Variants in ADK observed in about 807,000 individuals in gnomAD.
ADK encodes adenosine kinase.
A neutral mutation model predicts 44.7 loss-of-function variants in ADK; 24 were observed. The observed-to-expected ratio is 0.54, with a 90% confidence interval of 0.39 to 0.76. The LOEUF is 0.76. ADK is among the 30% of genes least tolerant of loss of function. The pLI, the probability that ADK is intolerant of heterozygous loss-of-function variation, is 0.00. For synonymous variants in ADK, 128 were observed against 142.6 expected (o/e 0.90, Z 0.73); for missense variants, 321 against 425.1 (o/e 0.76, Z 2.15).
At position 74,151,308 on chromosome 10, in the gene ADK, C is replaced by CA; in HGVS notation, c.35dup (p.Leu13AlafsTer23). 6.5e-7 allele frequency: 1 copy of CA among 1,549,572 alleles called. No homozygotes were observed. The highest frequency in any genetic ancestry group is 8.7e-7 in the Non-Finnish European group (1 of 1,146,802). On this transcript the variant is annotated frameshift_variant, in exon 1 of 11. Transcript: ENST00000539909. LOFTEE classifies it high-confidence loss of function. The stretch of plus-strand genomic sequence containing the variant: ...CAGCTGCTGAGGAGGAGCCGAAGCC[C>CA]AAAAAGCTGAAGGTGGAGGCGCCGC...
intron 4 of ADK, among the ~76,000 whole-genome samples, chr10:74,316,351 A>C (rs573091984): frequency 6.6e-6 from 1 of 152,290 alleles, no homozygotes; most frequent in South Asian, 2.1e-4. Context: ...TGGGGGTGAT[A>C]TGGTTAGGCT....
chr10:74,487,107 G>C (rs2133376711), intron 6 of ADK, among the ~76,000 whole-genome samples: 1 of 152,176 alleles, frequency 6.6e-6, no homozygotes, highest in South Asian at 2.1e-4. Context: ...CACTGATTAT[G>C]ATAGTGTTTT....
At chr10:74,584,910 A>G (rs1851481361) in intron 7 of ADK, among the ~76,000 whole-genome samples, 1 of 152,206 alleles carries the variant, frequency 6.6e-6, no homozygotes, top group African/African-American at 2.4e-5. Context: ...TGGGCAAGTT[A>G]TGGTTTTAGT....
intron 7 of ADK, among the ~76,000 whole-genome samples, chr10:74,568,083 G>A (rs1235483074): frequency 1.3e-5 from 2 of 152,128 alleles, no homozygotes; most frequent in Admixed American, 6.6e-5. Context: ...AGCCCTGGAT[G>A]GCTTTGAATG....
At chr10:74,227,184 T>C (rs555844061) in intron 3 of ADK, among the ~76,000 whole-genome samples, 10 of 152,302 alleles carry the variant, frequency 6.6e-5, no homozygotes, top group Admixed American at 4.6e-4. Flanking sequence ...CTTTAAACAA[T>C]ATAAGAGATA....
At chr10:74,669,709 G>A (rs1855100977) in intron 9 of ADK, among the ~76,000 whole-genome samples, 1 of 151,958 alleles carries the variant, frequency 6.6e-6, no homozygotes, top group Non-Finnish European at 1.5e-5. Flanking sequence ...GTGCCATTGT[G>A]ATTTTCTATA....
chr10:74,334,931 T>TA (rs1003132943), intron 4 of ADK, among the ~76,000 whole-genome samples: 6 of 152,320 alleles, frequency 3.9e-5, no homozygotes, highest in East Asian at 3.9e-4. Flanking sequence ...AGGCTTTCCT[T>TA]AAGTGTCTCT....
intron 4 of ADK, among the ~76,000 whole-genome samples, chr10:74,339,093 A>G (rs1159253805): frequency 6.6e-6 from 1 of 152,166 alleles, no homozygotes; most frequent in Non-Finnish European, 1.5e-5. Flanking sequence ...AGCTAGGACT[A>G]TAGGTGCATG....
intron 9 of ADK, among the ~76,000 whole-genome samples, chr10:74,614,643 T>C (rs1852679395): frequency 6.6e-6 from 1 of 152,140 alleles, no homozygotes; most frequent in Non-Finnish European, 1.5e-5. Flanking sequence ...ACTCAGTATG[T>C]AGACTTTTGT....
chr10:74,526,275 A>G (rs1459364995), intron 7 of ADK, among the ~76,000 whole-genome samples: 1 of 152,098 alleles, frequency 6.6e-6, no homozygotes, highest in Non-Finnish European at 1.5e-5. Flanking sequence ...TTTTCTTTCT[A>G]CCAAGAATGT....
intron 10 of ADK, among the ~76,000 whole-genome samples, chr10:74,677,129 C>T (rs2134218727): frequency 6.6e-6 from 1 of 152,234 alleles, no homozygotes; most frequent in East Asian, 1.9e-4. Flanking sequence ...CCTGTGGTTC[C>T]AGCTACTCCG....
chr10:74,430,128 A>G, intron 6 of ADK, among the ~76,000 whole-genome samples: 1 of 152,064 alleles, frequency 6.6e-6, no homozygotes, highest in East Asian at 1.9e-4. Context: ...AATCCATCAG[A>G]CTGGCTTGTG....
intron 3 of ADK, among the ~76,000 whole-genome samples, chr10:74,249,738 A>T (rs1183901250): frequency 2.0e-5 from 3 of 152,234 alleles, no homozygotes; most frequent in Admixed American, 6.5e-5. Flanking sequence ...TAAATAGTTG[A>T]GAAATTCAAC....
At chr10:74,673,761 C>T (rs113728462) in intron 10 of ADK, among the ~76,000 whole-genome samples, 13 of 152,126 alleles carry the variant, frequency 8.5e-5, no homozygotes, top group Non-Finnish European at 1.3e-4. Context: ...GTCACACAAA[C>T]GAGTTGGAGA....
At chr10:74,296,735 C>T (rs1301698130) in intron 3 of ADK, among the ~76,000 whole-genome samples, 1 of 151,806 alleles carries the variant, frequency 6.6e-6, no homozygotes, top group Non-Finnish European at 1.5e-5. Context: ...CCTCAGCCTC[C>T]GGAGTAGCTG....
intron 3 of ADK, among the ~76,000 whole-genome samples, chr10:74,247,058 T>A (rs1845441020): frequency 6.6e-6 from 1 of 151,892 alleles, no homozygotes; most frequent in African/African-American, 2.4e-5. Context: ...GGTCCTGAGA[T>A]GAAAGTGTCT....
At chr10:74,215,662 ACT>A (rs1160312432) in intron 2 of ADK, among the ~76,000 whole-genome samples, 1 of 119,294 alleles carries the variant, frequency 8.4e-6, no homozygotes, top group African/African-American at 3.1e-5. Context: ...CTGATAAATC[ACT>A]CTTTTTTTTT....
At chr10:74,170,447 T>A (rs1026591721) in intron 1 of ADK, among the ~76,000 whole-genome samples, 3 of 152,156 alleles carry the variant, frequency 2.0e-5, no homozygotes, top group African/African-American at 7.2e-5. Flanking sequence ...GTTATGATTT[T>A]AAAAATGCAA....
chr10:74,313,945 A>G (rs1218361908), intron 3 of ADK, among the ~76,000 whole-genome samples: 1 of 151,934 alleles, frequency 6.6e-6, no homozygotes, highest in Non-Finnish European at 1.5e-5. Flanking sequence ...TAATCCATCC[A>G]ACTATTGATT....
Sources: allele counts gnomAD v4.1 joint callset (sites outside exome capture counted in the v4.1 genomes callset), GRCh38; gene constraint gnomAD v4.1.1; transcripts MANE v1.5; gene names NCBI Gene and HGNC (gene_info 2026-07-23, HGNC 2026-07-21).